SLX4: variants seen among roughly 807,000 people sequenced by gnomAD.
SLX4 encodes structure-specific endonuclease subunit SLX4.
In SLX4, 112 loss-of-function variants were observed where a neutral mutation model predicts 146.2. The observed-to-expected ratio is 0.77, with a 90% CI of 0.66 to 0.90. The LOEUF is 0.90. SLX4 is among the 40% of genes least tolerant of loss of function. The probability of loss-of-function intolerance (pLI) is 0.00; values close to 1 mark genes in which losing one functional copy is unlikely to be tolerated. For synonymous variants in SLX4, 1,061 were observed against 997.7 expected (o/e 1.06, Z -1.20); for missense variants, 2,563 against 2,392.7 (o/e 1.07, Z -1.49).
At chr16:3,600,002 C>T (rs893192985) in intron 5 of SLX4, among the ~76,000 whole-genome samples, 3 of 152,182 alleles carry the variant, frequency 2.0e-5, no homozygotes, top group East Asian at 1.9e-4. Context: ...AAAGTGACTA[C>T]CAAATTCTTA....
Position 3,597,976 on chromosome 16 carries a change from A to T in SLX4, c.1187T>A (p.Leu396Gln). Residue 396 changes from leucine (L) to glutamine (Q), a missense_variant, in exon 6 of 15, where the codon CTG becomes CAG. Physicochemically the swap from Leu to Gln is moderately radical, Grantham distance 113 (BLOSUM62 -2). Coordinates refer to ENST00000294008, the MANE Select transcript of SLX4 (RefSeq NM_032444.4). This position sits in a 1 kb window ranked among gnomAD's most constrained non-coding sequence, Gnocchi z 4.4. ...CTTGCTGGTGGGTCCTCTCCGTTTC[A>T]GACCTCTACTGTGATCACTGAAGCT... Reference protein sequence around the residue: ...MFSFSDHSRGLKRRGPTSKKE... With the variant: ...MFSFSDHSRGQKRRGPTSKKE... 3 of 1,614,116 alleles carry T rather than the reference A, an allele frequency of 1.9e-6. No individual in the cohort carries two copies. In the South Asian group the frequency reaches 3.3e-5, roughly 18 times the overall value.
chr16:3,598,426 G>C (rs536866887), intron 5 of SLX4, among the ~76,000 whole-genome samples: 1 of 152,186 alleles, frequency 6.6e-6, no homozygotes, highest in African/African-American at 2.4e-5. Flanking sequence ...CTTCCCTCCT[G>C]CAAGGGCTCC....
At chr16:3,608,402 G>A in intron 2 of SLX4, 28 bp downstream of exon 2, 1 of 1,613,636 alleles carries the variant, frequency 6.2e-7, no homozygotes, top group Non-Finnish European at 8.5e-7. Flanking sequence ...AAGTTTTCCA[G>A]CCCCTGGTTT....
chr16:3,589,270 G>T lies in SLX4; in HGVS notation c.4368C>A (p.Arg1456=). ...GGCTGTCGGCGGCCTCGTTCATCCT[G>T]CGGCTGGGGCTGCTGGTGCTCAGGG... The part of the protein sequence containing the change: ...TGPLSTSSPS[R]RMNEAADSRD... The change falls in exon 12 of 15, where the codon CGC becomes CGA. Residue 1456 remains arginine, a synonymous_variant. Transcript: ENST00000294008. The surrounding 1 kb of genome is among the most constrained non-coding windows in gnomAD (Gnocchi z 6.2). 2 of 1,599,146 alleles carry T rather than the reference G, an allele frequency of 1.3e-6. No homozygotes were observed. Among genetic ancestry groups the T allele is most frequent in the East Asian group, 4.5e-5 (2 of 44,690 alleles).
chr16:3,606,574 G>C lies in SLX4; in HGVS notation c.660C>G (p.Asp220Glu), dbSNP rs767206967. Reference sequence around the variant, plus strand: ...CTGAAGCGTGTCTCAAACGCTCGGGGTCTGCTCTCTTGAACTGCTGCATTC... The same window carrying C: ...CTGAAGCGTGTCTCAAACGCTCGGGCTCTGCTCTCTTGAACTGCTGCATTC... Reference protein sequence around the residue: ...LQRMQQFKRADPERLRHASEE... With the variant: ...LQRMQQFKRAEPERLRHASEE... Residue 220 changes from aspartate to glutamate, a missense_variant, in exon 3 of 15, where the codon GAC becomes GAG. Coordinates refer to ENST00000294008, the MANE Select transcript of SLX4 (RefSeq NM_032444.4). 9 of 1,614,190 alleles carry C rather than the reference G, an allele frequency of 5.6e-6. No homozygotes were observed. The highest frequency in any genetic ancestry group is 7.6e-6 in the Non-Finnish European group (9 of 1,180,042).
intron 12 of SLX4, among the ~76,000 whole-genome samples, chr16:3,587,388 C>T (rs2040519786): frequency 1.3e-5 from 2 of 152,008 alleles, no homozygotes; most frequent in South Asian, 2.1e-4. Context: ...CCCAGCTACT[C>T]GGGAGGCTGA....
rs1030929863 is a variant in SLX4 at position 3,581,463 on chromosome 16, C to T, written c.*879G>A. The T allele has an allele frequency of 2.0e-5, 3 of 152,954 alleles. No individual in the cohort carries two copies. The highest frequency in any genetic ancestry group is 2.9e-5 in the Non-Finnish European group (2 of 68,296). The allele number at this position is 152,954 out of a possible 1,614,324, so 9.5% of individuals were successfully genotyped here. ...AACAATGACAAGTGTCCGGGTAGCACGGCTGGGTCAGGAGAACTGCATCTG... is the reference window on the plus strand; with the variant it reads ...AACAATGACAAGTGTCCGGGTAGCATGGCTGGGTCAGGAGAACTGCATCTG... On this transcript the variant is annotated 3_prime_UTR_variant, in exon 15 of 15. Transcript: ENST00000294008.
Position 3,590,961 on chromosome 16 carries a change from C to T in SLX4, c.2677G>A (p.Gly893Ser), listed in dbSNP as rs1166631362. The change falls in exon 12 of 15, where the codon GGT becomes AGT. Residue 893 changes from glycine to serine, a missense_variant. Gly to Ser is a moderately conservative substitution (Grantham distance 56, BLOSUM62 0). Coordinates refer to ENST00000294008, the MANE Select transcript of SLX4 (RefSeq NM_032444.4). The surrounding 1 kb of genome is among the most constrained non-coding windows in gnomAD (Gnocchi z 4.8). ...TCCCACTGTTTCTGCACCTGGACAC[C>T]TGCTAGGAGTTGCCCAGAAACCGGA... ...GSPVSGQLLA[G>S]VQVQKQWDKV... The T allele has an allele frequency of 6.2e-7, 1 of 1,614,224 alleles. No homozygotes were observed. The highest frequency in any genetic ancestry group is 2.2e-5 in the East Asian group (1 of 44,874).
chr16:3,609,562 C>A lies in SLX4; in HGVS notation c.-598G>T, dbSNP rs530835841. The A allele has an allele frequency of 6.5e-6, 1 of 153,366 alleles. No homozygotes were observed. The highest frequency in any genetic ancestry group is 1.5e-5 in the Non-Finnish European group (1 of 68,888). 9.5% of individuals were successfully genotyped at this position (153,366 alleles called of 1,614,324 possible). ...GAAACATATATGGTTCACTTAATTA[C>A]ACATCTGTGGAAAACCAAAAGCATG... On this transcript the variant is annotated 5_prime_UTR_variant, in exon 2 of 15. Coordinates refer to ENST00000294008, the MANE Select transcript of SLX4 (RefSeq NM_032444.4).
rs1300402535 is a variant in SLX4, at chr16:3,601,115, A to G, written c.1027T>C (p.Phe343Leu). Residue 343 changes from phenylalanine (F) to leucine (L), a missense_variant, in exon 5 of 15, where the codon TTT becomes CTT. Physicochemically the swap from Phe to Leu is conservative, Grantham distance 22. Coordinates refer to ENST00000294008, the MANE Select transcript of SLX4 (RefSeq NM_032444.4). ...IPECPICGKPFLTLKSRTSHL... is the reference protein window; with the variant it reads ...IPECPICGKPLLTLKSRTSHL... ...CTGGTTCTGCTCTTTAAGGTAAGAA[A>G]CGGTTTCCCACAAATCGGGCACTCA... 4 of 1,614,130 alleles carry G rather than the reference A, an allele frequency of 2.5e-6. No homozygotes were observed. The highest frequency in any genetic ancestry group is 3.4e-6 in the Non-Finnish European group (4 of 1,180,026).
At chr16:3,608,328 G>A in intron 2 of SLX4, 102 bp downstream of exon 2, 2 of 1,178,416 alleles carry the variant, frequency 1.7e-6, no homozygotes, top group South Asian at 2.5e-5. Flanking sequence ...GCAGAGTTGA[G>A]TAGTTGTGAC....
At position 3,592,952 on chromosome 16, in the gene SLX4, C is replaced by T. The variant is rs1298314772; in HGVS notation, c.2161-87G>A. 7 of 1,346,754 alleles carry T rather than the reference C, an allele frequency of 5.2e-6. No homozygotes were observed. The Middle Eastern group carries it at 1.6e-3, about 307-fold the overall frequency. The allele number at this position is 1,346,754 out of a possible 1,614,324, so 83.4% of individuals were successfully genotyped here. On this transcript the variant is annotated intron_variant, in intron 10 of 14. Transcript: ENST00000294008. ...AGACGGTCTGGGGTGTCCTGCAAGT[C>T]ACTAGTCTTTTTATTTTTCTTTTTA...
In SLX4 at chr16:3,582,599, C is replaced by A. The variant is rs771897046; in HGVS notation, c.5248G>T (p.Ala1750Ser). 7.6e-5 allele frequency: 122 copies of A among 1,613,558 alleles called. 1 individual carries two copies. The East Asian group carries it at 2.6e-3, about 35-fold the overall frequency. The change falls in exon 15 of 15, where the codon GCG (alanine) becomes TCG (serine). Residue 1750 changes from alanine (A) to serine (S), a missense_variant. Ala to Ser is a moderately conservative substitution (Grantham distance 99). Coordinates refer to ENST00000294008, the MANE Select transcript of SLX4 (RefSeq NM_032444.4). Reference protein sequence around the residue: ...VSASQAAVQAADTDEALRCYI... With the variant: ...VSASQAAVQASDTDEALRCYI... ...CACCTCAGCGCCTCGTCTGTGTCCG[C>A]CGCCTGCACGGCTGCCTGCGAGGCA...
intron 12 of SLX4, among the ~76,000 whole-genome samples, chr16:3,586,944 A>G (rs1331250984): frequency 2.0e-5 from 3 of 152,114 alleles, no homozygotes; most frequent in Non-Finnish European, 4.4e-5. Context: ...TATTAGTTAT[A>G]TATGGCTCTG....
intron 11 of SLX4, among the ~76,000 whole-genome samples, chr16:3,592,363 T>C (rs1227177851): frequency 1.3e-5 from 2 of 152,220 alleles, no homozygotes; most frequent in African/African-American, 2.4e-5. Flanking sequence ...TGTTCAGGTC[T>C]AGTGGTGGAA....
chr16:3,595,574 C>A (rs2151129237), intron 9 of SLX4, 31 bp downstream of exon 9: 1 of 1,612,326 alleles, frequency 6.2e-7, no homozygotes, highest in Non-Finnish European at 8.5e-7. Flanking sequence ...ATGGCCGGGA[C>A]CAGAGAGCGC....
At position 3,602,254 on chromosome 16, in the gene SLX4, G is replaced by A; in HGVS notation, c.814C>T (p.Leu272=). 1.2e-6 allele frequency: 2 copies of A among 1,614,178 alleles called. No individual in the cohort carries two copies. The highest frequency in any genetic ancestry group is 1.7e-6 in the Non-Finnish European group (2 of 1,180,036). ...PESDAAVALT[L]QQEFARVGAS... ...CCTACCCGTGCAAACTCCTGCTGCA[G>A]GGTCAAGGCCACCGCAGCGTCGCTC... The change falls in exon 4 of 15, where the codon CTG becomes TTG. Residue 272 remains leucine (L), a synonymous_variant. Transcript: ENST00000294008.
Position 3,608,306 on chromosome 16 carries a change from C to G in SLX4, c.535+124G>C, listed in dbSNP as rs753658603. 2.7e-5 allele frequency: 28 copies of G among 1,026,068 alleles called. No homozygotes were observed. In the East Asian group the frequency reaches 6.7e-4, roughly 25 times the overall value. 63.6% of individuals were successfully genotyped at this position (1,026,068 alleles called of 1,614,324 possible). The stretch of plus-strand genomic sequence containing the variant: ...TTTACATATTGTCCACGCCTGCTTT[C>G]TCACTATGACAGCAGAGTTGAGTAG... On this transcript the variant is annotated intron_variant, in intron 2 of 14. Transcript: ENST00000294008.
chr16:3,581,196 T>G lies in SLX4; in HGVS notation c.*1146A>C, dbSNP rs1229940917. 6.6e-6 allele frequency: 1 copy of G among 152,628 alleles called. No homozygotes were observed. The highest frequency in any genetic ancestry group is 1.5e-5 in the Non-Finnish European group (1 of 68,052). 9.5% of individuals were successfully genotyped at this position (152,628 alleles called of 1,614,324 possible). A position where few individuals can be genotyped will look rare whatever the true frequency, so the allele number is the denominator to read the frequency against. On this transcript the variant is annotated 3_prime_UTR_variant, in exon 15 of 15. Transcript: ENST00000294008. Reference sequence around the variant, plus strand: ...GGCAGCCAGATTTTAATAAAGCCTTTTTGGTTTATTGCACATCATATAAAA... The same window carrying G: ...GGCAGCCAGATTTTAATAAAGCCTTGTTGGTTTATTGCACATCATATAAAA...
Sources: gnomAD v4.1 joint callset for allele counts (sites outside exome capture counted in the v4.1 genomes callset) on GRCh38, gnomAD v4.1.1 for gene constraint, Gnocchi (gnomAD v3.1) non-coding constraint, MANE v1.5 for transcripts, NCBI Gene and HGNC (gene_info 2026-07-23, HGNC 2026-07-21) for gene names.